Variants in CENPK observed in about 807,000 individuals in gnomAD.
The protein encoded by CENPK is SoxLZ/Sox6-binding protein Solt.
Under a neutral mutation model 40.9 loss-of-function variants are expected in CENPK, and 46 were observed. The ratio of observed to expected loss-of-function variants is 1.13; its 90% CI spans 0.89 to 1.44. CENPK has a LOEUF of 1.44. CENPK is among the 40% of genes most tolerant of loss of function. CENPK has a pLI of 0.00. For synonymous variants in CENPK, 107 were observed against 104.4 expected, an observed-to-expected ratio of 1.02 and a Z score of -0.15; for missense variants, 288 against 303.5, an observed-to-expected ratio of 0.95 and a Z score of 0.38.
rs138971989 is a variant in CENPK, at chr5:65,557,141, A to G, written c.-39-2195T>C. The stretch of plus-strand genomic sequence containing the variant: ...CTGAGAAGGAGCACTCAGTAAGTTA[A>G]GAGGAAAATCAAGAGCATGATACCC... On this transcript the variant is annotated intron_variant, in intron 2 of 10. Transcript: ENST00000396679. Among the ~76,000 whole-genome samples the G allele has an allele frequency of 1.5e-3, 234 of 152,324 alleles. 1 individual carries two copies. The highest frequency in any genetic ancestry group is 5.6e-3 in the African/African-American group (231 of 41,570).
intron 5 of CENPK, among the ~76,000 whole-genome samples, chr5:65,543,262 T>A (rs1440325816): frequency 2.0e-5 from 3 of 152,236 alleles, no homozygotes; most frequent in Non-Finnish European, 4.4e-5. Flanking sequence ...TCATTTTATT[T>A]ATTTTTAACA....
the CENPK span, among the ~76,000 whole-genome samples, chr5:65,508,076 T>G: frequency 6.6e-6 from 1 of 152,350 alleles, no homozygotes; most frequent in Non-Finnish European, 1.5e-5. Context: ...CCTGTGATAT[T>G]AACCTTGACC....
At chr5:65,530,220 G>A (rs1248447695) in intron 6 of CENPK, among the ~76,000 whole-genome samples, 1 of 152,128 alleles carries the variant, frequency 6.6e-6, no homozygotes, top group Non-Finnish European at 1.5e-5. Context: ...ATTAGGCACT[G>A]CTGAAGGAGG....
chr5:65,540,122 T>C (rs901775358), intron 6 of CENPK, among the ~76,000 whole-genome samples: 2 of 152,250 alleles, frequency 1.3e-5, no homozygotes, highest in African/African-American at 4.8e-5. Context: ...CCTTTCTCAT[T>C]CTTTACAGTA....
At chr5:65,504,483 G>A in the CENPK span, among the ~76,000 whole-genome samples, 1 of 139,664 alleles carries the variant, frequency 7.2e-6, no homozygotes, top group Non-Finnish European at 1.5e-5. Flanking sequence ...AAAAACCCAC[G>A]AGTATTTCTC....
intron 9 of CENPK, 93 bp downstream of exon 9, chr5:65,528,359 T>C (rs1580924503): frequency 8.7e-7 from 1 of 1,150,708 alleles, no homozygotes; most frequent in Non-Finnish European, 1.2e-6. Context: ...TACATGTGCA[T>C]ACCTTTGAAC....
At chr5:65,557,502 T>C (rs1336619085) in intron 2 of CENPK, among the ~76,000 whole-genome samples, 1 of 152,190 alleles carries the variant, frequency 6.6e-6, no homozygotes, top group Non-Finnish European at 1.5e-5. Flanking sequence ...CCAGGCACCA[T>C]GTTATGCGAA....
chr5:65,511,408 A>G, the CENPK span, among the ~76,000 whole-genome samples: 1 of 152,258 alleles, frequency 6.6e-6, no homozygotes, highest in Non-Finnish European at 1.5e-5. Flanking sequence ...AAGGACTCTC[A>G]TAGCTAGAGA....
Position 65,563,112 on chromosome 5 carries a change from A to G in CENPK, c.-156T>C. 3.3e-6 allele frequency: 2 copies of G among 611,662 alleles called. No homozygotes were observed. Among genetic ancestry groups the G allele is most frequent in the Non-Finnish European group, 5.5e-6 (2 of 361,732 alleles). 37.9% of individuals were successfully genotyped at this position (611,662 alleles called of 1,614,324 possible). A position where few individuals can be genotyped will look rare whatever the true frequency, so the allele number is the denominator to read the frequency against. Reference sequence around the variant, plus strand: ...CCAGGTCTTACCATCACAGCGTCACAAACTCCAGGTCGCCTAGGCGCTGCG... The same window carrying G: ...CCAGGTCTTACCATCACAGCGTCACGAACTCCAGGTCGCCTAGGCGCTGCG... On this transcript the variant is annotated 5_prime_UTR_variant, in exon 1 of 11. Coordinates refer to ENST00000396679, the MANE Select transcript of CENPK (RefSeq NM_022145.5).
At chr5:65,555,905 GTC>G (rs1750897609) in intron 2 of CENPK, among the ~76,000 whole-genome samples, 1 of 152,192 alleles carries the variant, frequency 6.6e-6, no homozygotes. Flanking sequence ...AGATATACAT[GTC>G]TGCAGTTGAA....
the CENPK span, among the ~76,000 whole-genome samples, chr5:65,509,114 T>C: frequency 6.6e-6 from 1 of 152,220 alleles, no homozygotes; most frequent in Non-Finnish European, 1.5e-5. Context: ...ATACACTTTT[T>C]CCCATCCCTT....
At chr5:65,507,230 T>C in the CENPK span, among the ~76,000 whole-genome samples, 1 of 152,196 alleles carries the variant, frequency 6.6e-6, no homozygotes, top group Non-Finnish European at 1.5e-5. Context: ...AGCCACTTCC[T>C]ACTGGCATTT....
chr5:65,525,567 C>T (rs575603827), intron 9 of CENPK, among the ~76,000 whole-genome samples: 2 of 152,070 alleles, frequency 1.3e-5, no homozygotes, highest in Admixed American at 6.6e-5. Flanking sequence ...TTGTTTTTAG[C>T]TTTCTTCTTT....
Position 65,518,265 on chromosome 5 carries a change from C to A in CENPK, c.*210G>T. The A allele has an allele frequency of 8.1e-6, 4 of 493,458 alleles. No homozygotes were observed. Among genetic ancestry groups the A allele is most frequent in the South Asian group, 2.8e-5 (1 of 35,888 alleles). 30.6% of individuals were successfully genotyped at this position (493,458 alleles called of 1,614,324 possible). On this transcript the variant is annotated 3_prime_UTR_variant, in exon 11 of 11. Transcript: ENST00000396679. ...GAATATTATCTACCTGCATTCTTAT[C>A]CATATAGTTTAAAACACTAAAGCAC...
intron 9 of CENPK, among the ~76,000 whole-genome samples, chr5:65,524,296 A>C (rs1198019396): frequency 6.6e-6 from 1 of 151,708 alleles, no homozygotes; most frequent in Admixed American, 6.6e-5. Flanking sequence ...GAGGCAGCAG[A>C]ATCGTGTGAA....
At chr5:65,507,896 A>C in the CENPK span, among the ~76,000 whole-genome samples, 1 of 152,216 alleles carries the variant, frequency 6.6e-6, no homozygotes, top group African/African-American at 2.4e-5. Flanking sequence ...GACACATTTC[A>C]AGAGTACTGG....
At chr5:65,516,856 C>T (rs2150323976), downstream of CENPK, among the ~76,000 whole-genome samples, 1 of 152,258 alleles carries the variant, frequency 6.6e-6, no homozygotes, top group African/African-American at 2.4e-5. Context: ...TGATACACTC[C>T]ATTTAGCAAC....
intron 3 of CENPK, among the ~76,000 whole-genome samples, chr5:65,554,162 C>T (rs1750595545): frequency 1.4e-5 from 2 of 146,044 alleles, no homozygotes; most frequent in Admixed American, 6.9e-5. Flanking sequence ...TTTTTTGAGA[C>T]GGAGTCTCAC....
At chr5:65,553,976 C>CA (rs1257642294) in intron 3 of CENPK, among the ~76,000 whole-genome samples, 8 of 152,176 alleles carry the variant, frequency 5.3e-5, no homozygotes, top group Admixed American at 4.6e-4. Flanking sequence ...ATTACTTCTC[C>CA]AGTCTTACCC....
Sources: gnomAD v4.1 joint callset for allele counts (sites outside exome capture counted in the v4.1 genomes callset) on GRCh38, gnomAD v4.1.1 for gene constraint, MANE v1.5 for transcripts, NCBI Gene and HGNC (gene_info 2026-07-23, HGNC 2026-07-21) for gene names.